The following TSGA10 variants were observed in gnomAD, a reference collection of about 807,000 sequenced individuals.
TSGA10 encodes the protein testis-specific gene 10 protein.
TSGA10 carries 43 observed loss-of-function variants against 96.6 expected under a neutral mutation model. That is an observed-to-expected ratio of 0.44 (90% CI 0.35 to 0.57). The LOEUF (loss-of-function observed/expected upper bound fraction) is 0.57. TSGA10 is among the 20% of genes least tolerant of loss of function. The pLI, the probability that TSGA10 is intolerant of heterozygous loss-of-function variation, is 0.01. For missense variants in TSGA10, 703 were observed against 834.4 expected (o/e 0.84, Z 1.94); for synonymous variants, 229 against 269.9 (o/e 0.85, Z 1.48).
intron 16 of TSGA10, among the ~76,000 whole-genome samples, chr2:99,036,813 G>T (rs1286513009): frequency 2.0e-5 from 3 of 151,876 alleles, no homozygotes; most frequent in South Asian, 2.1e-4. Context: ...GGAAAGTTGG[G>T]GTAGCTACAT....
chr2:99,057,089 T>G (rs547510525), intron 16 of TSGA10, among the ~76,000 whole-genome samples: 1 of 129,734 alleles, frequency 7.7e-6, no homozygotes, highest in African/African-American at 3.5e-5. Flanking sequence ...ATAAAGGTTT[T>G]CTATAAAAAA....
chr2:99,147,778 ACTGT>A (rs1432646318), intron 1 of TSGA10, among the ~76,000 whole-genome samples: 3 of 135,898 alleles, frequency 2.2e-5, no homozygotes, highest in African/African-American at 7.5e-5. Context: ...TGCATATTTT[ACTGT>A]CTTTCTGTAT....
intron 10 of TSGA10, among the ~76,000 whole-genome samples, chr2:99,100,363 A>G (rs1028186977): frequency 6.6e-6 from 1 of 152,262 alleles, no homozygotes; most frequent in Non-Finnish European, 1.5e-5. Context: ...TATTGACCCT[A>G]GAAATAAACA....
At chr2:99,153,196 A>C (rs1339189026) in intron 1 of TSGA10, among the ~76,000 whole-genome samples, 1 of 152,178 alleles carries the variant, frequency 6.6e-6, no homozygotes, top group African/African-American at 2.4e-5. Context: ...TGAATACTGA[A>C]AAGTCCAGTG....
chr2:99,024,143 G>A lies in TSGA10; in HGVS notation c.1615-3661C>T, dbSNP rs565167913. Among the ~76,000 whole-genome samples the A allele has an allele frequency of 5.9e-5, 9 of 151,682 alleles. No homozygotes were observed. In the South Asian group the frequency reaches 1.9e-3, roughly 32 times the overall value. Reference sequence around the variant, plus strand: ...GTCTTGCTCTGTCACCAGGCAGAGTGCAGTGGCATAATCTTGGCTCACTGC... The same window carrying A: ...GTCTTGCTCTGTCACCAGGCAGAGTACAGTGGCATAATCTTGGCTCACTGC... On this transcript the variant is annotated intron_variant, in intron 17 of 20. Coordinates refer to ENST00000393483, the MANE Select transcript of TSGA10 (RefSeq NM_025244.4).
intron 20 of TSGA10, among the ~76,000 whole-genome samples, chr2:99,002,438 G>C (rs959673159): frequency 7.2e-5 from 11 of 152,322 alleles, no homozygotes; most frequent in Middle Eastern, 6.8e-3. Context: ...CAGATGCTGA[G>C]AGATGTTGTC....
intron 16 of TSGA10, among the ~76,000 whole-genome samples, chr2:99,048,152 G>A (rs907734530): frequency 1.3e-5 from 2 of 151,858 alleles, no homozygotes; most frequent in Non-Finnish European, 2.9e-5. Context: ...CTGCCCAAAG[G>A]GATTTATAGA....
At chr2:99,122,493 A>T (rs1167944357) in intron 2 of TSGA10, among the ~76,000 whole-genome samples, 1 of 151,696 alleles carries the variant, frequency 6.6e-6, no homozygotes, top group Non-Finnish European at 1.5e-5. Flanking sequence ...TTAAAAAAAA[A>T]TTTGAATCGG....
rs187996977 is a variant in TSGA10 at position 99,046,994 on chromosome 2, A to T, written c.1405-11555T>A. 1.2e-4 allele frequency among the ~76,000 whole-genome samples: 19 copies of T among 152,358 alleles called. 1 individual carries two copies. The highest frequency in any genetic ancestry group is 4.4e-5 in the Non-Finnish European group (3 of 68,036). On this transcript the variant is annotated intron_variant, in intron 16 of 20. Coordinates refer to ENST00000393483, the MANE Select transcript of TSGA10 (RefSeq NM_025244.4). ...CTAGAAGAAACGGATAAATTCCTGGACACATACACCCTCCCAAGACTAAAT... is the reference window on the plus strand; with the variant it reads ...CTAGAAGAAACGGATAAATTCCTGGTCACATACACCCTCCCAAGACTAAAT...
chr2:99,121,981 T>C (rs1385452684), intron 2 of TSGA10, among the ~76,000 whole-genome samples: 1 of 152,182 alleles, frequency 6.6e-6, no homozygotes, highest in Non-Finnish European at 1.5e-5. Context: ...AGGGTAACTG[T>C]TTTCCCTGTA....
At chr2:99,098,918 T>C (rs1057013500) in intron 10 of TSGA10, among the ~76,000 whole-genome samples, 3 of 152,216 alleles carry the variant, frequency 2.0e-5, no homozygotes, top group African/African-American at 4.8e-5. Context: ...ACTCCAATCT[T>C]ATACAAACTG....
chr2:99,125,014 T>C (rs2092756163), intron 2 of TSGA10: 1 of 152,110 alleles, frequency 6.6e-6, no homozygotes, highest in Admixed American at 6.5e-5. Context: ...ACAGAATAGT[T>C]TCACTCCCCT....
Position 99,105,341 on chromosome 2 carries a change from C to CA in TSGA10, c.459+17_459+18insT. ...GTGTTTATAGCCAAAAGAGACTTTT[C>CA]TTTTTTTTTTTTTTTACATTATGAA... On this transcript the variant is annotated intron_variant, in intron 9 of 20. Transcript: ENST00000393483. The CA allele has an allele frequency of 1.4e-6, 2 of 1,460,360 alleles. No homozygotes were observed. Among genetic ancestry groups the CA allele is most frequent in the Non-Finnish European group, 1.8e-6 (2 of 1,082,642 alleles). The allele number at this position is 1,460,360 out of a possible 1,614,324, so 90.5% of individuals were successfully genotyped here.
At chr2:99,071,664 A>ATTTTT in intron 14 of TSGA10, 42 bp downstream of exon 14, 3 of 1,533,922 alleles carry the variant, frequency 2.0e-6, no homozygotes, top group Admixed American at 3.7e-5. Context: ...AGAAATTCAT[A>ATTTTT]TTTTTTTTTC....
chr2:99,094,356 G>A (rs1206745504), intron 10 of TSGA10, among the ~76,000 whole-genome samples: 2 of 152,036 alleles, frequency 1.3e-5, no homozygotes, highest in Non-Finnish European at 2.9e-5. Context: ...GTGACTTTAC[G>A]ACCAAGAACC....
At chr2:99,139,199 G>A in intron 1 of TSGA10, among the ~76,000 whole-genome samples, 1 of 152,080 alleles carries the variant, frequency 6.6e-6, no homozygotes, top group African/African-American at 2.4e-5. Flanking sequence ...GGAGGTCAAG[G>A]CTGCAATGAG....
intron 16 of TSGA10, among the ~76,000 whole-genome samples, chr2:99,045,376 A>T (rs1031113662): frequency 4.6e-5 from 7 of 152,242 alleles, no homozygotes; most frequent in Admixed American, 3.3e-4. Flanking sequence ...TCAGACTAAC[A>T]GAGGATCTCT....
Position 99,081,375 on chromosome 2 carries a change from T to C in TSGA10, c.634A>G (p.Lys212Glu), listed in dbSNP as rs778238670. Reference sequence around the variant, plus strand: ...TGTCGCTGAGTATCAGAAAGATCTTTTTCTGTGTTTTCATACAAAAGTCTG... The same window carrying C: ...TGTCGCTGAGTATCAGAAAGATCTTCTTCTGTGTTTTCATACAAAAGTCTG... ...SLRLLYENTEKDLSDTQRHLA... is the reference protein window; with the variant it reads ...SLRLLYENTEEDLSDTQRHLA... Residue 212 changes from lysine to glutamate, a missense_variant, in exon 11 of 21, where the codon AAA (lysine) becomes GAA (glutamate). This residue lies in a region of TSGA10 where 585 missense variants were observed against 656.8 expected (regional missense o/e 0.89). Coordinates refer to ENST00000393483, the MANE Select transcript of TSGA10 (RefSeq NM_025244.4). The C allele has an allele frequency of 2.7e-5, 43 of 1,571,910 alleles. No individual in the cohort carries two copies. The highest frequency in any genetic ancestry group is 3.5e-5 in the Non-Finnish European group (41 of 1,160,584).
At chr2:99,132,513 T>C (rs1261453324) in intron 1 of TSGA10, among the ~76,000 whole-genome samples, 2 of 152,138 alleles carry the variant, frequency 1.3e-5, no homozygotes, top group Non-Finnish European at 2.9e-5. Flanking sequence ...TTGATTCTTA[T>C]TAGTCTGGCT....
Sources: gnomAD v4.1 joint callset for allele counts (sites outside exome capture counted in the v4.1 genomes callset) on GRCh38, gnomAD v4.1.1 for gene constraint, gnomAD v4.1.1 regional missense constraint, MANE v1.5 for transcripts, NCBI Gene and HGNC (gene_info 2026-07-23, HGNC 2026-07-21) for gene names.